Variants in TNS3 observed in about 807,000 individuals in gnomAD.
The protein encoded by TNS3 is tensin-3.
In TNS3, 45 loss-of-function variants were observed where a neutral mutation model predicts 140.9. The ratio of observed to expected loss-of-function variants is 0.32; its 90% CI spans 0.25 to 0.41. The LOEUF (loss-of-function observed/expected upper bound fraction) is 0.41, where lower values mean the gene tolerates loss of function less well. Ranked by LOEUF, TNS3 falls within the 10% of genes least tolerant of loss-of-function variation. TNS3 has a pLI of 1.00. For missense variants in TNS3, 1,716 were observed against 1,906.7 expected (o/e 0.90, Z 1.86); for synonymous variants, 815 against 788.4 (o/e 1.03, Z -0.56).
Position 47,437,258 on chromosome 7 carries a change from T to C in TNS3, c.201+5A>G, listed in dbSNP as rs200309978. 9.1e-4 allele frequency: 1,424 copies of C among 1,557,388 alleles called. 3 individuals carry two copies. The highest frequency in any genetic ancestry group is 1.0e-3 in the Non-Finnish European group (1,161 of 1,157,040). ...ATGCAGAATATAAAGGGATGAACTC[T>C]GTACCTTTGGGTTAAGCTTCGTAAG... On this transcript the variant is annotated splice_donor_5th_base_variant and intron_variant, in intron 7 of 30. Transcript: ENST00000311160.
intron 13 of TNS3, chr7:47,403,240 C>T (rs780769727): frequency 6.6e-5 from 10 of 152,406 alleles, no homozygotes; most frequent in African/African-American, 2.2e-4. Flanking sequence ...CTGCTCCTCC[C>T]GCAGCAATCC....
rs1314553018 is a variant in TNS3, at chr7:47,275,570, G to A, written c.*2506C>T. On this transcript the variant is annotated 3_prime_UTR_variant, in exon 31 of 31. Transcript: ENST00000311160. ...TGGCCCTAGAGCCGGTGTCCACGGT[G>A]GGGGCTCTCTCACGGTTTCTGAGCC... 2 of 328,822 alleles carry A rather than the reference G, an allele frequency of 6.1e-6. No individual in the cohort carries two copies. The highest frequency in any genetic ancestry group is 2.2e-5 in the African/African-American group (1 of 45,992). The allele number at this position is 328,822 out of a possible 1,614,324, so 20.4% of individuals were successfully genotyped here. A position where few individuals can be genotyped will look rare whatever the true frequency, so the allele number is the denominator to read the frequency against.
chr7:47,430,232 G>A (rs1362652293), intron 8 of TNS3, among the ~76,000 whole-genome samples: 2 of 151,220 alleles, frequency 1.3e-5, no homozygotes, highest in South Asian at 2.1e-4. Context: ...GAGTTCAAGC[G>A]ATTATCCTGC....
chr7:47,283,735 C>T lies in TNS3; in HGVS notation c.4059G>A (p.Val1353=). 6.2e-7 allele frequency: 1 copy of T among 1,602,338 alleles called. No homozygotes were observed. The highest frequency in any genetic ancestry group is 8.5e-7 in the Non-Finnish European group (1 of 1,174,564). The change falls in exon 28 of 31, where the codon GTG becomes GTA. Residue 1353 remains valine, a synonymous_variant. Coordinates refer to ENST00000311160, the MANE Select transcript of TNS3 (RefSeq NM_022748.12). The part of the protein sequence containing the change: ...PPVSTVVHFK[V]SAQGITLTDN... ...CTGTCAGGGTGATGCCCTGGGCTGA[C>T]ACCTTGAAGTGCACAACTGTGGACA...
At chr7:47,304,329 G>A (rs564561714) in intron 21 of TNS3, among the ~76,000 whole-genome samples, 31 of 152,304 alleles carry the variant, frequency 2.0e-4, no homozygotes, top group African/African-American at 5.8e-4. Flanking sequence ...GAGTCTATGC[G>A]TAATGTCCTT....
At chr7:47,393,659 A>G (rs1358101444) in intron 16 of TNS3, among the ~76,000 whole-genome samples, 1 of 152,084 alleles carries the variant, frequency 6.6e-6, no homozygotes. Flanking sequence ...CTCACCCACT[A>G]TATCCCTGAG....
chr7:47,494,133 C>A (rs1009558849), intron 3 of TNS3, among the ~76,000 whole-genome samples: 16 of 152,196 alleles, frequency 1.1e-4, no homozygotes, highest in Non-Finnish European at 2.1e-4. Context: ...TTCACAAAAT[C>A]CTGCCAGTGG....
intron 4 of TNS3, among the ~76,000 whole-genome samples, chr7:47,455,660 A>G (rs1584699798): frequency 6.6e-6 from 1 of 152,304 alleles, no homozygotes; most frequent in South Asian, 2.1e-4. Flanking sequence ...GAGGTGCTGG[A>G]TAAGTACACA....
intron 16 of TNS3, among the ~76,000 whole-genome samples, chr7:47,377,041 G>A (rs1247955927): frequency 1.3e-5 from 2 of 152,152 alleles, no homozygotes; most frequent in African/African-American, 4.8e-5. Context: ...GGTCCTGCCT[G>A]TGCCTGGACC....
At chr7:47,470,651 G>T in intron 4 of TNS3, 1 of 985,426 alleles carries the variant, frequency 1.0e-6, no homozygotes, top group Non-Finnish European at 1.2e-6. Context: ...AACCACAGAC[G>T]CAGGTAATGG....
At chr7:47,371,178 G>A (rs1774103030) in intron 16 of TNS3, among the ~76,000 whole-genome samples, 1 of 152,146 alleles carries the variant, frequency 6.6e-6, no homozygotes, top group South Asian at 2.1e-4. Context: ...ATAAAATGCT[G>A]AAAATAAACC....
chr7:47,363,443 A>C (rs1407785056), intron 17 of TNS3, among the ~76,000 whole-genome samples: 1 of 152,212 alleles, frequency 6.6e-6, no homozygotes, highest in Non-Finnish European at 1.5e-5. Context: ...ATAATGCAGG[A>C]TGCACAGAAG....
chr7:47,488,460 G>A (rs1797689971), intron 3 of TNS3, among the ~76,000 whole-genome samples: 1 of 152,250 alleles, frequency 6.6e-6, no homozygotes, highest in East Asian at 1.9e-4. Context: ...TTCCTCCTGA[G>A]GCCTCTCTCC....
chr7:47,494,120 CT>C (rs964434772), intron 3 of TNS3, among the ~76,000 whole-genome samples: 16 of 152,342 alleles, frequency 1.1e-4, no homozygotes, highest in Admixed American at 7.8e-4. Context: ...ACTTCCACCC[CT>C]GTTCACAAAA....
chr7:47,278,099 T>C lies in TNS3; in HGVS notation c.4315A>G (p.Ile1439Val). 1 of 1,614,048 alleles carries C rather than the reference T, an allele frequency of 6.2e-7. No homozygotes were observed. Among genetic ancestry groups the C allele is most frequent in the Non-Finnish European group, 8.5e-7 (1 of 1,179,986 alleles). ...TCTCAGACCTTCTTTGGGGAACCAA[T>C]CATGACCTTTGATACGAAGTTGACA... ...AIVNFVSKVMIGSPKKV is the reference protein window; with the variant it reads ...AIVNFVSKVMVGSPKKV The change falls in exon 31 of 31, where the codon ATT becomes GTT. Residue 1439 changes from isoleucine (I) to valine (V), a missense_variant. Ile to Val is a conservative substitution (Grantham distance 29). Around this residue, in one of 3 missense-constraint regions of TNS3, gnomAD observed 216 missense variants for 295.7 expected, o/e 0.73. Transcript: ENST00000311160.
chr7:47,580,787 C>T (rs1313874037), intron 1 of TNS3, among the ~76,000 whole-genome samples: 1 of 152,078 alleles, frequency 6.6e-6, no homozygotes, highest in Non-Finnish European at 1.5e-5. Context: ...ATGCACAGAC[C>T]AAAGCCTCAA....
intron 3 of TNS3, among the ~76,000 whole-genome samples, chr7:47,482,984 A>G (rs759146787): frequency 2.0e-5 from 3 of 152,122 alleles, no homozygotes; most frequent in Non-Finnish European, 2.9e-5. Context: ...GCTTGACACT[A>G]TAAGGATGGA....
At chr7:47,477,195 T>TA (rs1797228892) in intron 4 of TNS3, among the ~76,000 whole-genome samples, 1 of 152,186 alleles carries the variant, frequency 6.6e-6, no homozygotes, top group Non-Finnish European at 1.5e-5. Context: ...CTTTCTGCCC[T>TA]ACCAGGGAAT....
chr7:47,497,574 T>C (rs974735384), intron 3 of TNS3, among the ~76,000 whole-genome samples: 4 of 151,996 alleles, frequency 2.6e-5, no homozygotes, highest in Non-Finnish European at 5.9e-5. Flanking sequence ...GAGCTACACA[T>C]GCAAATTTCC....
Sources: allele counts gnomAD v4.1 joint callset (sites outside exome capture counted in the v4.1 genomes callset), GRCh38; gene constraint gnomAD v4.1.1; regional missense constraint gnomAD v4.1.1; transcripts MANE v1.5; gene names NCBI Gene and HGNC (gene_info 2026-07-23, HGNC 2026-07-21).